Variants in SLC66A1 observed in about 807,000 individuals in gnomAD.
The protein encoded by SLC66A1 is solute carrier family 66 member 1, also known as lysosomal amino acid transporter 1 homolog.
A neutral mutation model predicts 33.0 loss-of-function variants in SLC66A1; 23 were observed. The observed-to-expected ratio is 0.70, with a 90% CI of 0.50 to 0.99. SLC66A1 has a LOEUF of 0.99. SLC66A1 is among the 50% of genes least tolerant of loss of function. The pLI is 0.00. For synonymous variants in SLC66A1, 164 were observed against 175.5 expected, an observed-to-expected ratio of 0.93 and a Z score of 0.52; for missense variants, 335 against 383.6, an observed-to-expected ratio of 0.87 and a Z score of 1.06.
intron 1 of SLC66A1, among the ~76,000 whole-genome samples, chr1:19,315,541 C>T (rs1367452878): frequency 6.6e-6 from 1 of 152,220 alleles, no homozygotes; most frequent in Non-Finnish European, 1.5e-5. Flanking sequence ...CTCAGCAGTT[C>T]CGTGGGGCCA....
At chr1:19,322,003 T>C (rs6687458) in intron 2 of SLC66A1, among the ~76,000 whole-genome samples, 36,305 of 152,164 alleles carry the variant, frequency 0.24, 4,656 homozygotes, top group South Asian at 0.33. Context: ...GCAAGTAAGC[T>C]AAACAGACAC....
chr1:19,332,508 G>C (rs745659217), downstream of SLC66A1, among the ~76,000 whole-genome samples: 12 of 152,180 alleles, frequency 7.9e-5, no homozygotes, highest in African/African-American at 2.9e-4. Flanking sequence ...AGTGGTTCAC[G>C]CCTGTATTCC....
intron 1 of SLC66A1, among the ~76,000 whole-genome samples, chr1:19,316,367 G>A (rs898350669): frequency 2.8e-4 from 42 of 151,336 alleles, no homozygotes; most frequent in African/African-American, 9.5e-4. Context: ...GTGTGTGTGT[G>A]TGTGTGTGTG....
chr1:19,314,323 G>A lies in SLC66A1; in HGVS notation c.-79+1434G>A, dbSNP rs144291449. 3.5e-4 allele frequency among the ~76,000 whole-genome samples: 54 copies of A among 152,184 alleles called. 1 individual carries two copies. The highest frequency in any genetic ancestry group is 1.2e-3 in the African/African-American group (48 of 41,536). ...CTTCCTCAAGACAACTCCCCAACAC[G>A]CACGCATACTGGGGTGCATCCATTT... On this transcript the variant is annotated intron_variant, in intron 1 of 7. Transcript: ENST00000375153.
At chr1:19,322,073 CG>C (rs2093840693) in intron 2 of SLC66A1, among the ~76,000 whole-genome samples, 2 of 151,982 alleles carry the variant, frequency 1.3e-5, no homozygotes, top group South Asian at 2.1e-4. Context: ...CTGGGAGTGA[CG>C]GGGAGGAAGG....
intron 2 of SLC66A1, among the ~76,000 whole-genome samples, chr1:19,322,248 G>A (rs1019240708): frequency 3.9e-5 from 6 of 152,132 alleles, no homozygotes; most frequent in Admixed American, 3.3e-4. Flanking sequence ...CTGTCCAGGG[G>A]TGAGAGCTTC....
chr1:19,314,970 C>T (rs899103399), intron 1 of SLC66A1, among the ~76,000 whole-genome samples: 1 of 152,048 alleles, frequency 6.6e-6, no homozygotes, highest in African/African-American at 2.4e-5. Context: ...TGCAATGGCG[C>T]GATCTCAGCT....
chr1:19,321,443 T>G (rs1218759058), intron 2 of SLC66A1, among the ~76,000 whole-genome samples: 1 of 149,100 alleles, frequency 6.7e-6, no homozygotes, highest in Non-Finnish European at 1.5e-5. Context: ...GCCTCCAAAG[T>G]GTTGGGGTTC....
At position 19,326,304 on chromosome 1, in the gene SLC66A1, C is replaced by A. The variant is rs147855890; in HGVS notation, c.442C>A (p.Leu148Met). ...FLMGMACATP[L>M]LSAAGPVAAP... ...CATGGGGATGGCGTGCGCCACACCG[C>A]TGCTGAGTGCTGCTGGGCCCGTGGC... The change falls in exon 5 of 8, where the codon CTG becomes ATG. Residue 148 changes from leucine to methionine, a missense_variant. Coordinates refer to ENST00000375153, the MANE Select transcript of SLC66A1 (RefSeq NM_001040125.2). 45 of 1,606,916 alleles carry A rather than the reference C, an allele frequency of 2.8e-5. No homozygotes were observed. The highest frequency in any genetic ancestry group is 3.5e-5 in the Non-Finnish European group (41 of 1,179,916).
In SLC66A1 at chr1:19,325,542, G is replaced by A. The variant is rs752625506; in HGVS notation, c.342G>A (p.Thr114=). 15 of 1,600,878 alleles carry A rather than the reference G, an allele frequency of 9.4e-6. No individual in the cohort carries two copies. In the African/African-American group the frequency reaches 9.4e-5, roughly 10 times the overall value. Residue 114 remains threonine, a synonymous_variant, in exon 4 of 8, where the codon ACG becomes ACA. Transcript: ENST00000375153. The part of the protein sequence containing the change: ...YYVLADLVML[T]LYFYYKFRTR... Reference sequence around the variant, plus strand: ...TCTTGGCAGACCTGGTGATGCTGACGCTGTACTTTTACTACAAGTTCAGGA... The same window carrying A: ...TCTTGGCAGACCTGGTGATGCTGACACTGTACTTTTACTACAAGTTCAGGA...
At chr1:19,329,841 G>A (rs1006936870), downstream of SLC66A1, among the ~76,000 whole-genome samples, 25 of 152,106 alleles carry the variant, frequency 1.6e-4, no homozygotes, top group African/African-American at 4.6e-4. Flanking sequence ...AAGGATGAGC[G>A]GGAGATATCA....
At chr1:19,321,523 G>A (rs2093837460) in intron 2 of SLC66A1, among the ~76,000 whole-genome samples, 2 of 148,148 alleles carry the variant, frequency 1.3e-5, no homozygotes, top group South Asian at 4.2e-4. Flanking sequence ...ACATTTAGGT[G>A]TTTGATCCAT....
In SLC66A1 at chr1:19,327,365, C is replaced by G; in HGVS notation, c.757C>G (p.Leu253Val). 6.2e-7 allele frequency: 1 copy of G among 1,607,228 alleles called. No individual in the cohort carries two copies. Among genetic ancestry groups the G allele is most frequent in the South Asian group, 1.1e-5 (1 of 90,202 alleles). The change falls in exon 7 of 8, where the codon CTG (leucine) becomes GTG (valine). Residue 253 changes from leucine to valine, a missense_variant. Leu to Val is a conservative substitution (Grantham distance 32). Coordinates refer to ENST00000375153, the MANE Select transcript of SLC66A1 (RefSeq NM_001040125.2). Reference protein sequence around the residue: ...QSEGSYLLHHLPWLVGSLGVL... With the variant: ...QSEGSYLLHHVPWLVGSLGVL... ...CGAGGGCAGCTACCTGCTGCACCAC[C>G]TGCCCTGGCTTGTGGGCAGCCTGGG...
At chr1:19,326,126 T>C (rs767775526) in intron 4 of SLC66A1, 119 bp from the exon 5 acceptor site, 10 of 867,364 alleles carry the variant, frequency 1.2e-5, no homozygotes, top group Non-Finnish European at 1.8e-5. Flanking sequence ...TCAGAGAGGT[T>C]AGGTCACTTG....
chr1:19,325,415 G>GGACA, intron 3 of SLC66A1, 80 bp from the exon 4 acceptor site: 1 of 980,830 alleles, frequency 1.0e-6, no homozygotes, highest in South Asian at 1.4e-5. Context: ...CACCCAGCTG[G>GGACA]GATATGACAG....
At chr1:19,327,739 AAAC>A (rs59688162) in intron 7 of SLC66A1, 13,020 of 506,004 alleles carry the variant, frequency 0.026, 1,301 homozygotes, top group African/African-American at 0.22. Flanking sequence ...CTGCAGAGAA[AAAC>A]AACAAGAGCG....
At chr1:19,324,412 C>T (rs955217061) in intron 2 of SLC66A1, among the ~76,000 whole-genome samples, 4 of 152,202 alleles carry the variant, frequency 2.6e-5, no homozygotes, top group Non-Finnish European at 4.4e-5. Context: ...GATGCACAGC[C>T]GTAGAGTCCT....
intron 1 of SLC66A1, among the ~76,000 whole-genome samples, chr1:19,315,443 G>C (rs2093799934): frequency 1.3e-5 from 2 of 152,218 alleles, no homozygotes; most frequent in Admixed American, 1.3e-4. Flanking sequence ...CCCACAGCGA[G>C]TCACATTAGG....
In SLC66A1 at chr1:19,329,266, A is replaced by T. The variant is rs2093885865; in HGVS notation, c.*623A>T. ...AGTGAGACTCCGTCTCAAAAAAATA[A>T]AAAAGATAACCGAGGAAACGGTACC... is the stretch of plus-strand genomic sequence containing the variant. On this transcript the variant is annotated 3_prime_UTR_variant, in exon 8 of 8. Transcript: ENST00000375153. 1 of 152,908 alleles carries T rather than the reference A, an allele frequency of 6.5e-6. No homozygotes were observed. The highest frequency in any genetic ancestry group is 6.5e-5 in the Admixed American group (1 of 15,328). The allele number at this position is 152,908 out of a possible 1,614,324, so 9.5% of individuals were successfully genotyped here. A position where few individuals can be genotyped will look rare whatever the true frequency, so the allele number is the denominator to read the frequency against.
Sources: gnomAD v4.1 joint callset for allele counts (sites outside exome capture counted in the v4.1 genomes callset) on GRCh38, gnomAD v4.1.1 for gene constraint, MANE v1.5 for transcripts, NCBI Gene and HGNC (gene_info 2026-07-23, HGNC 2026-07-21) for gene names.